Variants in SPON1 observed in about 807,000 individuals in gnomAD.
SPON1 encodes spondin-1.
SPON1 carries 52 observed loss-of-function variants against 111.7 expected under a neutral mutation model. The ratio of observed to expected loss-of-function variants is 0.47; its 90% confidence interval spans 0.37 to 0.59. The LOEUF is 0.59. SPON1 is among the 20% of genes least tolerant of loss of function. SPON1 has a pLI of 0.00. For missense variants in SPON1, 957 were observed against 1,068.5 expected (o/e 0.90, Z 1.46); for synonymous variants, 410 against 395.8 (o/e 1.04, Z -0.43).
chr11:14,032,474 T>A (rs532087547), intron 2 of SPON1, among the ~76,000 whole-genome samples: 1 of 152,252 alleles, frequency 6.6e-6, no homozygotes, highest in South Asian at 2.1e-4. Flanking sequence ...CACGACCAGT[T>A]AGGAGAGGGG....
At chr11:14,067,649 G>A (rs1372461379) in intron 3 of SPON1, among the ~76,000 whole-genome samples, 1 of 152,136 alleles carries the variant, frequency 6.6e-6, no homozygotes, top group Non-Finnish European at 1.5e-5. Context: ...CCTGTCCCTG[G>A]TTTTACAGAC....
At chr11:14,235,840 T>C (rs1848859597) in intron 6 of SPON1, among the ~76,000 whole-genome samples, 1 of 152,028 alleles carries the variant, frequency 6.6e-6, no homozygotes, top group Non-Finnish European at 1.5e-5. Context: ...CACTGAGAAG[T>C]TGACATTTGA....
At chr11:14,233,758 CTTTTTTTTTTT>C (rs10610600) in intron 6 of SPON1, among the ~76,000 whole-genome samples, 308 of 96,838 alleles carry the variant, frequency 3.2e-3, no homozygotes, top group African/African-American at 0.012. Context: ...GTTTCTTTTT[CTTTTTTTTTTT>C]TTTTTTTTTT....
chr11:14,143,877 A>T (rs185250498), intron 6 of SPON1, among the ~76,000 whole-genome samples: 67 of 152,292 alleles, frequency 4.4e-4, no homozygotes, highest in Non-Finnish European at 8.8e-4. Flanking sequence ...AAACACAAGG[A>T]TATGGAAAGG....
chr11:14,055,426 G>A (rs747470267), intron 3 of SPON1, among the ~76,000 whole-genome samples: 7 of 152,190 alleles, frequency 4.6e-5, no homozygotes, highest in Non-Finnish European at 8.8e-5. Context: ...ACCCTGAGGG[G>A]CAAGTCTGAC....
intron 6 of SPON1, among the ~76,000 whole-genome samples, chr11:14,145,553 A>G (rs1003209296): frequency 2.0e-5 from 3 of 152,200 alleles, no homozygotes; most frequent in African/African-American, 7.2e-5. Flanking sequence ...TTTCTATTGT[A>G]GTAAAAGAAA....
At chr11:14,090,824 GCCCCCCCCCCCCCCCC>G (rs1176498162) in intron 5 of SPON1, among the ~76,000 whole-genome samples, 1 of 45,580 alleles carries the variant, frequency 2.2e-5, no homozygotes, top group African/African-American at 9.8e-5. Context: ...CTCTTATCTG[GCCCCCCCCCCCCCCCC>G]CCCCGCCCAC....
At chr11:14,255,908 T>C in intron 9 of SPON1, 121 bp downstream of exon 9, 1 of 1,054,818 alleles carries the variant, frequency 9.5e-7, no homozygotes, top group Non-Finnish European at 1.3e-6. Context: ...GATATGGAAT[T>C]CCTGGGCCTC....
chr11:14,115,253 A>G (rs1849258494), intron 5 of SPON1, among the ~76,000 whole-genome samples: 1 of 152,210 alleles, frequency 6.6e-6, no homozygotes, highest in African/African-American at 2.4e-5. Context: ...TCACTCAGTT[A>G]GTTTTTCTTT....
At chr11:14,016,976 A>C (rs1554914362) in intron 2 of SPON1, among the ~76,000 whole-genome samples, 1 of 152,196 alleles carries the variant, frequency 6.6e-6, no homozygotes, top group African/African-American at 2.4e-5. Context: ...TTTGCAAAGC[A>C]GCCTTTAGGG....
intron 5 of SPON1, among the ~76,000 whole-genome samples, chr11:14,124,267 C>A (rs993715632): frequency 1.3e-5 from 2 of 152,160 alleles, no homozygotes; most frequent in South Asian, 4.1e-4. Flanking sequence ...TATGCCTCTG[C>A]TTTTGCATCT....
intron 6 of SPON1, among the ~76,000 whole-genome samples, chr11:14,182,415 G>A (rs1264815446): frequency 6.6e-6 from 1 of 152,134 alleles, no homozygotes; most frequent in East Asian, 1.9e-4. Context: ...TACAAGAGCA[G>A]CGCTTATGTC....
At chr11:14,200,776 C>T (rs1195129742) in intron 6 of SPON1, among the ~76,000 whole-genome samples, 1 of 137,300 alleles carries the variant, frequency 7.3e-6, no homozygotes, top group Non-Finnish European at 1.5e-5. Context: ...GATCACGCCA[C>T]TGCACTCCAG....
chr11:14,021,268 A>G (rs1554914781), intron 2 of SPON1, among the ~76,000 whole-genome samples: 1 of 152,136 alleles, frequency 6.6e-6, no homozygotes, highest in Non-Finnish European at 1.5e-5. Context: ...TATTACAAGC[A>G]GATGATAAAT....
chr11:14,065,398 C>G (rs1463990041), intron 3 of SPON1, among the ~76,000 whole-genome samples: 16 of 152,200 alleles, frequency 1.1e-4, no homozygotes, highest in African/African-American at 3.9e-4. Flanking sequence ...AGCATTTCCT[C>G]TTCCTTAGAG....
At chr11:14,243,485 C>T (rs2133918550) in intron 7 of SPON1, 89 bp downstream of exon 7, 3 of 1,104,192 alleles carry the variant, frequency 2.7e-6, no homozygotes, top group African/African-American at 1.6e-5. Flanking sequence ...ACCAGTTATG[C>T]TGTTGAAGTT....
chr11:14,244,962 C>T (rs1450313099), intron 7 of SPON1, among the ~76,000 whole-genome samples: 1 of 152,198 alleles, frequency 6.6e-6, no homozygotes, highest in Non-Finnish European at 1.5e-5. Context: ...TTTGATTTTG[C>T]TCATCCTTTA....
rs1847901423 is a variant in SPON1, at chr11:14,160,445, ATATATATATTTATATATATATATT to A, written c.825+24887_825+24910del. Among the ~76,000 whole-genome samples, 9 of 10,632 alleles carry A rather than the reference ATATATATATTTATATATATATATT, an allele frequency of 8.5e-4. 1 individual carries two copies. Among genetic ancestry groups the A allele is most frequent in the East Asian group, 4.6e-3 (1 of 216 alleles). The allele number at this position is 10,632 out of a possible 152,430, so 7.0% of individuals were successfully genotyped here. On this transcript the variant is annotated intron_variant, in intron 6 of 15. Coordinates refer to ENST00000576479, the MANE Select transcript of SPON1 (RefSeq NM_006108.4). Reference sequence around the variant, plus strand: ...TATATATATATTTATATATATATTTATATATATATTTATATATATATATTTATATATATATTTATATATATATAT... The same window carrying A: ...TATATATATATTTATATATATATTTATATATATATATTTATATATATATAT...
At chr11:14,041,718 A>C in intron 3 of SPON1, 64 bp downstream of exon 3, 1 of 1,566,874 alleles carries the variant, frequency 6.4e-7, no homozygotes, top group Non-Finnish European at 8.6e-7. Context: ...TTGCAGGGAA[A>C]AAAAAAAAAG....
Sources: allele counts gnomAD v4.1 joint callset (sites outside exome capture counted in the v4.1 genomes callset), GRCh38; gene constraint gnomAD v4.1.1; transcripts MANE v1.5; gene names NCBI Gene and HGNC (gene_info 2026-07-23, HGNC 2026-07-21).